PHAF1: variants seen among roughly 807,000 people sequenced by gnomAD.
PHAF1 encodes the protein phagophore assembly factor 1, also known as phagosome assembly factor 1.
In PHAF1, 23 loss-of-function variants were observed where a neutral mutation model predicts 63.1. That is an observed-to-expected ratio of 0.36 (90% CI 0.26 to 0.52). PHAF1 has a LOEUF of 0.52. PHAF1 is among the 20% of genes least tolerant of loss of function. PHAF1 has a pLI of 0.93. For synonymous variants in PHAF1, 167 were observed against 185.0 expected (o/e 0.90, Z 0.79); for missense variants, 427 against 517.2 (o/e 0.83, Z 1.69).
chr16:67,134,114 C>T, intron 6 of PHAF1, 54 bp from the exon 7 acceptor site: 1 of 1,444,234 alleles, frequency 6.9e-7, no homozygotes, highest in Non-Finnish European at 9.7e-7. Flanking sequence ...AGACCAGAGC[C>T]TGAGTCCCAT....
At chr16:67,142,946 GGA>G (rs1963866692) in intron 10 of PHAF1, among the ~76,000 whole-genome samples, 1 of 152,218 alleles carries the variant, frequency 6.6e-6, no homozygotes, top group African/African-American at 2.4e-5. Flanking sequence ...CAGGGAAGAT[GGA>G]GAGAATGGAC....
At chr16:67,126,594 G>GT (rs201265915) in intron 3 of PHAF1, among the ~76,000 whole-genome samples, 3,531 of 144,144 alleles carry the variant, frequency 0.024, 47 homozygotes, top group Non-Finnish European at 0.029. Context: ...TTTTGTTTTT[G>GT]GTTTTTTTTT....
At chr16:67,132,591 A>G (rs759060393) in intron 5 of PHAF1, 66 bp downstream of exon 5, 2 of 1,508,918 alleles carry the variant, frequency 1.3e-6, no homozygotes, top group African/African-American at 2.8e-5. Context: ...CCTGCCCGGT[A>G]GTGCCATCCC....
intron 1 of PHAF1, among the ~76,000 whole-genome samples, chr16:67,116,467 A>G (rs1597183246): frequency 6.6e-6 from 1 of 152,250 alleles, no homozygotes; most frequent in African/African-American, 2.4e-5. Flanking sequence ...ACTGACTGCC[A>G]TCGGATGAAG....
chr16:67,146,232 C>A, intron 14 of PHAF1, 46 bp from the exon 15 acceptor site: 1 of 1,545,282 alleles, frequency 6.5e-7, no homozygotes, highest in Non-Finnish European at 8.9e-7. Flanking sequence ...TGCTTTAAGG[C>A]CGTGGCCTCT....
intron 6 of PHAF1, 151 bp from the exon 7 acceptor site, chr16:67,134,017 T>A: frequency 1.6e-6 from 1 of 629,666 alleles, no homozygotes; most frequent in Non-Finnish European, 2.9e-6. Context: ...TTGGGGAGTT[T>A]ACTGACCCAG....
rs1469313608 is a variant in PHAF1 at position 67,140,563 on chromosome 16, A to T, written c.848A>T (p.Asp283Val). ...AAACAAGTTCCATCGAAGTGTAATG[A>T]CTACTTTTTTAACTACTTCACTCTT... ...PHKQVPSKCN[D>V]YFFNYFTLGV... Residue 283 changes from aspartate (D) to valine (V), a missense_variant, in exon 10 of 16, where the codon GAC (aspartate) becomes GTC (valine). By Grantham distance (152) the Asp-to-Val change is radical. Transcript: ENST00000219139. 1 of 1,601,312 alleles carries T rather than the reference A, an allele frequency of 6.2e-7. No homozygotes were observed. The highest frequency in any genetic ancestry group is 8.6e-7 in the Non-Finnish European group (1 of 1,168,268).
intron 3 of PHAF1, among the ~76,000 whole-genome samples, chr16:67,130,810 C>G (rs1383894545): frequency 6.6e-6 from 1 of 152,156 alleles, no homozygotes; most frequent in Non-Finnish European, 1.5e-5. Flanking sequence ...CAGCCTGACC[C>G]AGAAGTGGAC....
At chr16:67,118,208 C>T (rs868748560) in intron 1 of PHAF1, among the ~76,000 whole-genome samples, 50 of 147,370 alleles carry the variant, frequency 3.4e-4, no homozygotes, top group African/African-American at 1.2e-3. Flanking sequence ...CTCCTGACCT[C>T]GTGATCTGCC....
chr16:67,130,292 C>A (rs1002245563), intron 3 of PHAF1, among the ~76,000 whole-genome samples: 10 of 151,992 alleles, frequency 6.6e-5, no homozygotes, highest in East Asian at 1.9e-4. Flanking sequence ...TGTGATCCGC[C>A]CGCCTCGGCC....
intron 5 of PHAF1, 136 bp downstream of exon 5, chr16:67,132,661 G>A: frequency 8.2e-7 from 1 of 1,215,102 alleles, no homozygotes; most frequent in Non-Finnish European, 1.2e-6. Flanking sequence ...GGGTGTGAAG[G>A]AAACATCCTC....
rs559636715 is a variant in PHAF1, at chr16:67,134,941, A to C, written c.661+474A>C. ...AGTTGGTAGAAGACAAATGATGCAG[A>C]TGTTTATGGTTAAAGCTTTTGTTTA... On this transcript the variant is annotated intron_variant, in intron 8 of 15. Coordinates refer to ENST00000219139, the MANE Select transcript of PHAF1 (RefSeq NM_025187.5). The C allele has an allele frequency of 5.8e-4, 197 of 337,764 alleles. 2 individuals carry two copies. The highest frequency in any genetic ancestry group is 4.4e-3 in the South Asian group (191 of 43,454). 20.9% of individuals were successfully genotyped at this position (337,764 alleles called of 1,614,324 possible).
chr16:67,118,358 A>T, intron 1 of PHAF1, among the ~76,000 whole-genome samples: 1 of 92,192 alleles, frequency 1.1e-5, no homozygotes, highest in Non-Finnish European at 2.0e-5. Flanking sequence ...TTTTTTTGAG[A>T]CAGAGTCTTG....
intron 1 of PHAF1, among the ~76,000 whole-genome samples, chr16:67,118,273 G>A (rs929673814): frequency 8.6e-5 from 12 of 140,080 alleles, no homozygotes; most frequent in African/African-American, 3.2e-4. Context: ...GCACCTGGCT[G>A]CCTAGCTAAT....
intron 3 of PHAF1, among the ~76,000 whole-genome samples, chr16:67,131,072 GT>G (rs1362207015): frequency 1.2e-4 from 18 of 151,332 alleles, no homozygotes; most frequent in Non-Finnish European, 2.2e-4. Flanking sequence ...GGGCAACATA[GT>G]TTTTTAGTTT....
At chr16:67,117,958 T>TC (rs1962808429) in intron 1 of PHAF1, among the ~76,000 whole-genome samples, 1 of 147,122 alleles carries the variant, frequency 6.8e-6, no homozygotes, top group Admixed American at 6.8e-5. Flanking sequence ...CTGGCTGATT[T>TC]TTTTTTTTTT....
At position 67,145,595 on chromosome 16, in the gene PHAF1, G is replaced by T. The variant is rs764985387; in HGVS notation, c.1076G>T (p.Gly359Val). 4 of 1,613,916 alleles carry T rather than the reference G, an allele frequency of 2.5e-6. No individual in the cohort carries two copies. The African/African-American group carries it at 5.3e-5, about 22-fold the overall frequency. Residue 359 changes from glycine to valine, a missense_variant, in exon 14 of 16, where the codon GGC (glycine) becomes GTC (valine). Gly to Val is a moderately radical substitution (Grantham distance 109). Transcript: ENST00000219139. ...TGGGACAACATCCAGGAGCTCCTGG[G>T]CCACCCTGTGGAGAAGCCTGTTGTC... ...SKWDNIQELL[G>V]HPVEKPVVLH...
At position 67,146,497 on chromosome 16, in the gene PHAF1, C is replaced by A. The variant is rs2030092523; in HGVS notation, c.1182+147C>A. The A allele has an allele frequency of 1.2e-5, 10 of 837,286 alleles. No homozygotes were observed. In the East Asian group the frequency reaches 2.4e-4, roughly 20 times the overall value. 51.9% of individuals were successfully genotyped at this position (837,286 alleles called of 1,614,324 possible). A position where few individuals can be genotyped will look rare whatever the true frequency, so the allele number is the denominator to read the frequency against. On this transcript the variant is annotated intron_variant, in intron 15 of 15. Coordinates refer to ENST00000219139, the MANE Select transcript of PHAF1 (RefSeq NM_025187.5). ...TTCAGCAACCGTGTCTGCTGCATACCTGGCCTCCCCACACTTAACAATGAA... is the reference window on the plus strand; with the variant it reads ...TTCAGCAACCGTGTCTGCTGCATACATGGCCTCCCCACACTTAACAATGAA...
chr16:67,113,542 C>G (rs987603676), intron 1 of PHAF1, among the ~76,000 whole-genome samples: 1 of 146,300 alleles, frequency 6.8e-6, no homozygotes, highest in Non-Finnish European at 1.5e-5. Flanking sequence ...CTCCACCTCC[C>G]AGGTTCATGC....
Sources: gnomAD v4.1 joint callset for allele counts (sites outside exome capture counted in the v4.1 genomes callset) on GRCh38, gnomAD v4.1.1 for gene constraint, MANE v1.5 for transcripts, NCBI Gene and HGNC (gene_info 2026-07-23, HGNC 2026-07-21) for gene names.